ARHGEF2: variants seen among roughly 807,000 people sequenced by gnomAD.
The protein encoded by ARHGEF2 is rho guanine nucleotide exchange factor 2.
ARHGEF2 carries 22 observed loss-of-function variants against 121.0 expected under a neutral mutation model. The ratio of observed to expected loss-of-function variants is 0.18; its 90% CI spans 0.13 to 0.26. ARHGEF2 has a LOEUF of 0.26. Among genes scored for constraint, ARHGEF2 ranks in the 10% least tolerant of loss-of-function variants. The pLI, the probability that ARHGEF2 is intolerant of heterozygous loss-of-function variation, is 1.00. For missense variants in ARHGEF2, 907 were observed against 1,336.0 expected, an observed-to-expected ratio of 0.68 and a Z score of 5.01; for synonymous variants, 487 against 530.0, an observed-to-expected ratio of 0.92 and a Z score of 1.11.
chr1:155,954,998 G>T, intron 13 of ARHGEF2, 29 bp from the exon 14 acceptor site: 5 of 1,594,544 alleles, frequency 3.1e-6, no homozygotes, highest in Non-Finnish European at 4.3e-6. Flanking sequence ...GCATGCCATT[G>T]AGAGACAGAA....
chr1:155,956,922 G>A (rs1676806135), intron 13 of ARHGEF2, among the ~76,000 whole-genome samples: 1 of 151,222 alleles, frequency 6.6e-6, no homozygotes, highest in African/African-American at 2.4e-5. Flanking sequence ...TTTGCCTGGG[G>A]TCGTGGTGGG....
intron 1 of ARHGEF2, chr1:155,969,635 C>T (rs1191196186): frequency 1.2e-5 from 14 of 1,150,914 alleles, no homozygotes; most frequent in South Asian, 4.9e-5. Flanking sequence ...TGCTCACCCC[C>T]GAGCTGCTGT....
chr1:155,966,751 G>A, intron 3 of ARHGEF2, 69 bp downstream of exon 3: 1 of 1,460,188 alleles, frequency 6.8e-7, no homozygotes, highest in Non-Finnish European at 9.6e-7. Flanking sequence ...GGAATGAATG[G>A]AAAAGGCATG....
At chr1:155,974,857 G>GT (rs895524155) in intron 1 of ARHGEF2, among the ~76,000 whole-genome samples, 5 of 151,628 alleles carry the variant, frequency 3.3e-5, no homozygotes, top group Non-Finnish European at 7.4e-5. Flanking sequence ...AAGAGAGGGG[G>GT]GGTAAGCGAT....
chr1:155,949,511 C>T (rs1443768258), intron 21 of ARHGEF2, among the ~76,000 whole-genome samples: 2 of 150,256 alleles, frequency 1.3e-5, no homozygotes, highest in Non-Finnish European at 3.0e-5. Context: ...ACCTGGGAGG[C>T]GGAGGTTGCA....
intron 4 of ARHGEF2, 110 bp downstream of exon 4, chr1:155,966,306 G>T: frequency 9.5e-7 from 1 of 1,056,570 alleles, no homozygotes; most frequent in South Asian, 1.3e-5. Flanking sequence ...CAATCAAGAA[G>T]AGGAAGGTGC....
At chr1:155,948,745 C>T (rs1487452903) in intron 21 of ARHGEF2, among the ~76,000 whole-genome samples, 1 of 152,156 alleles carries the variant, frequency 6.6e-6, no homozygotes, top group Admixed American at 6.5e-5. Flanking sequence ...AGTCCAGCCT[C>T]GGCAACAGCA....
intron 1 of ARHGEF2, among the ~76,000 whole-genome samples, chr1:155,975,604 A>C (rs887353927): frequency 6.6e-6 from 1 of 151,780 alleles, no homozygotes; most frequent in East Asian, 1.9e-4. Flanking sequence ...CAGCCCTCTC[A>C]GCTCCCTCCT....
intron 13 of ARHGEF2, among the ~76,000 whole-genome samples, 159 bp from the exon 14 acceptor site, chr1:155,955,128 T>C (rs1676399909): frequency 1.3e-5 from 2 of 151,996 alleles, no homozygotes; most frequent in Non-Finnish European, 2.9e-5. Flanking sequence ...CCTTCTCCCT[T>C]TTCTTTCTTT....
chr1:155,973,405 A>G (rs1481607265), intron 1 of ARHGEF2, among the ~76,000 whole-genome samples: 1 of 152,104 alleles, frequency 6.6e-6, no homozygotes, highest in African/African-American at 2.4e-5. Flanking sequence ...ACCAACCCCA[A>G]ACTTCCTTCC....
Position 155,961,810 on chromosome 1 carries a change from G to C in ARHGEF2, c.1319C>G (p.Ala440Gly). ...GCGGTTGTAGATCTCCTGCAGACGG[G>C]CCCCTTTCTCCAGCTGATAAATACC... ...DEGIYQLEKG[A>G]RLQEIYNRMD... The change falls in exon 11 of 22, where the codon GCC becomes GGC. Residue 440 changes from alanine to glycine, a missense_variant. Transcript: ENST00000361247. This position sits in a 1 kb window ranked among gnomAD's most constrained non-coding sequence, Gnocchi z 4.7. 1 of 1,614,168 alleles carries C rather than the reference G, an allele frequency of 6.2e-7. No homozygotes were observed. The highest frequency in any genetic ancestry group is 1.7e-5 in the Admixed American group (1 of 60,014).
chr1:155,969,062 G>A, intron 2 of ARHGEF2, 94 bp downstream of exon 2: 1 of 1,498,480 alleles, frequency 6.7e-7, no homozygotes, highest in Non-Finnish European at 9.2e-7. Flanking sequence ...AGAGAGAAGA[G>A]TGACCCTCAT....
chr1:155,963,546 A>G (rs957897210), intron 7 of ARHGEF2, among the ~76,000 whole-genome samples: 1 of 151,044 alleles, frequency 6.6e-6, no homozygotes, highest in African/African-American at 2.4e-5. Context: ...GGGTTTCTTC[A>G]TATTGGTCAG....
Position 155,957,949 on chromosome 1 carries a change from A to G in ARHGEF2, c.1546-67T>C, listed in dbSNP as rs561006427. The G allele has an allele frequency of 3.9e-5, 59 of 1,507,878 alleles. No individual in the cohort carries two copies. In the African/African-American group the frequency reaches 7.8e-4, roughly 20 times the overall value. 93.4% of individuals were successfully genotyped at this position (1,507,878 alleles called of 1,614,324 possible). A position where few individuals can be genotyped will look rare whatever the true frequency, so the allele number is the denominator to read the frequency against. ...GTCCCTTGGCATATTTAGGCCTTCA[A>G]TCCTTCTGGACGAGGACTGAAAGGA... On this transcript the variant is annotated intron_variant, in intron 12 of 21. Coordinates refer to ENST00000361247, the MANE Select transcript of ARHGEF2 (RefSeq NM_001162383.2).
In ARHGEF2 at chr1:155,947,103, T is replaced by A. The variant is rs567510194; in HGVS notation, c.*839A>T. On this transcript the variant is annotated 3_prime_UTR_variant, in exon 22 of 22. Transcript: ENST00000361247. The stretch of plus-strand genomic sequence containing the variant: ...TGGCTGGGGAAGAGGTCAGTATAGG[T>A]CCCCCCGTTACTGCAGATGAAGGCA... 1 of 342,040 alleles carries A rather than the reference T, an allele frequency of 2.9e-6. No homozygotes were observed. Among genetic ancestry groups the A allele is most frequent in the South Asian group, 2.3e-5 (1 of 44,102 alleles). 21.2% of individuals were successfully genotyped at this position (342,040 alleles called of 1,614,324 possible). A position where few individuals can be genotyped will look rare whatever the true frequency, so the allele number is the denominator to read the frequency against.
chr1:155,968,347 C>T (rs187163816), intron 2 of ARHGEF2: 1 of 152,226 alleles, frequency 6.6e-6, no homozygotes, highest in African/African-American at 2.4e-5. Context: ...TAGGGATTTA[C>T]AGGCTAGAGC....
intron 11 of ARHGEF2, 40 bp from the exon 12 acceptor site, chr1:155,958,436 C>T (rs910668000): frequency 1.8e-5 from 27 of 1,535,288 alleles, no homozygotes; most frequent in Middle Eastern, 1.7e-4. Flanking sequence ...CAGCACTAGA[C>T]GGTCTGAGCA....
Position 155,951,239 on chromosome 1 carries a change from C to T in ARHGEF2, c.2293G>A (p.Ala765Thr). 6.2e-7 allele frequency: 1 copy of T among 1,610,348 alleles called. No individual in the cohort carries two copies. The highest frequency in any genetic ancestry group is 1.1e-5 in the South Asian group (1 of 90,726). Residue 765 changes from alanine to threonine, a missense_variant, in exon 20 of 22, where the codon GCC becomes ACC. This residue lies in a region of ARHGEF2 where 432 missense variants were observed against 559.5 expected (regional missense o/e 0.77). Coordinates refer to ENST00000361247, the MANE Select transcript of ARHGEF2 (RefSeq NM_001162383.2). The surrounding 1 kb of genome is among the most constrained non-coding windows in gnomAD (Gnocchi z 5.1). ...AVAQQDTLME[A>T]RFPEGPERRE... is the part of the protein sequence containing the mutation. The stretch of plus-strand genomic sequence containing the variant: ...CGCTCAGGGCCCTCAGGGAACCGGG[C>T]TTCCATCAGAGTGTCCTGCTGGGCC...
rs187891648 is a variant in ARHGEF2 at position 155,964,748 on chromosome 1, C to T, written c.724+240G>A. On this transcript the variant is annotated intron_variant, in intron 7 of 21. Transcript: ENST00000361247. ...CAGCCTGGCTAACATGGTGAAACCC[C>T]GTCTCTACTAAAAATGCAAAACTTA... Among the ~76,000 whole-genome samples the T allele has an allele frequency of 5.5e-3, 837 of 151,918 alleles. 9 individuals carry two copies. The highest frequency in any genetic ancestry group is 0.019 in the African/African-American group (796 of 41,434).
Sources: gnomAD v4.1 joint callset for allele counts (sites outside exome capture counted in the v4.1 genomes callset) on GRCh38, gnomAD v4.1.1 for gene constraint, gnomAD v4.1.1 regional missense constraint, Gnocchi (gnomAD v3.1) non-coding constraint, MANE v1.5 for transcripts, NCBI Gene and HGNC (gene_info 2026-07-23, HGNC 2026-07-21) for gene names.